The following PRMT8 variants were observed in gnomAD, a reference collection of about 807,000 sequenced individuals.
PRMT8 encodes protein arginine N-methyltransferase 8.
In PRMT8, 7 loss-of-function variants were observed where a neutral mutation model predicts 47.1. The ratio of observed to expected loss-of-function variants is 0.15; its 90% CI spans 0.08 to 0.28. The LOEUF (loss-of-function observed/expected upper bound fraction) is 0.28. Ranked by LOEUF, PRMT8 falls within the 10% of genes least tolerant of loss-of-function variation. PRMT8 has a pLI of 1.00. For missense variants in PRMT8, 237 were observed against 505.4 expected (o/e 0.47, Z 5.09); for synonymous variants, 188 against 186.5 (o/e 1.01, Z -0.07).
chr12:3,471,865 G>GC (rs1266099749), intron 1 of PRMT8, among the ~76,000 whole-genome samples: 2 of 151,974 alleles, frequency 1.3e-5, no homozygotes, highest in African/African-American at 4.8e-5. Context: ...CCAAAGATGG[G>GC]CTTTTTTGCC....
chr12:3,421,098 A>ACTC (rs967916020), intron 1 of PRMT8, among the ~76,000 whole-genome samples: 1 of 151,922 alleles, frequency 6.6e-6, no homozygotes, highest in Non-Finnish European at 1.5e-5. Flanking sequence ...GAGCCCTCCC[A>ACTC]CTCCTCCTCC....
rs866747108 is a variant in PRMT8, at chr12:3,392,656, A to G, written c.48+11214A>G. ...TTCCAAGTCTTTGCTATTGTGAATA[A>G]TGCCGCAATAAACATACGTGTGCAT... On this transcript the variant is annotated intron_variant, in intron 1 of 9. Coordinates refer to the PRMT8 transcript ENST00000452611. Among the ~76,000 whole-genome samples, 8 of 151,788 alleles carry G rather than the reference A, an allele frequency of 5.3e-5. No individual in the cohort carries two copies. In the South Asian group the frequency reaches 1.3e-3, roughly 24 times the overall value.
In PRMT8 at chr12:3,590,264, T is replaced by G. The variant is rs184117449; in HGVS notation, c.980-1967T>G. ...CTACTTGAGTCTCTCTCCAAACCAC[T>G]GACATTTGATCAAGCCAGTTCATTG... On this transcript the variant is annotated intron_variant, in intron 8 of 9. Transcript: ENST00000382622. Among the ~76,000 whole-genome samples the G allele has an allele frequency of 2.0e-5, 3 of 152,290 alleles. No individual in the cohort carries two copies. The East Asian group carries it at 5.8e-4, about 29-fold the overall frequency.
At chr12:3,398,458 A>G (rs1028766629) in intron 1 of PRMT8, among the ~76,000 whole-genome samples, 1 of 152,218 alleles carries the variant, frequency 6.6e-6, no homozygotes, top group African/African-American at 2.4e-5. Flanking sequence ...AAATACTGTC[A>G]TGTTCAGAAA....
intron 2 of PRMT8, among the ~76,000 whole-genome samples, chr12:3,541,932 T>TTTGTGTGC (rs1429777476): frequency 6.6e-6 from 1 of 152,202 alleles, no homozygotes; most frequent in Non-Finnish European, 1.5e-5. Context: ...TGACGGTTTT[T>TTTGTGTGC]TTGTGTGCGT....
chr12:3,582,137 A>G (rs1349215612), intron 7 of PRMT8, among the ~76,000 whole-genome samples: 1 of 152,190 alleles, frequency 6.6e-6, no homozygotes, highest in Non-Finnish European at 1.5e-5. Flanking sequence ...GGGCCTCACT[A>G]GAATCTGTCA....
At chr12:3,488,884 C>T (rs755492922), upstream of PRMT8, among the ~76,000 whole-genome samples, 4 of 152,150 alleles carry the variant, frequency 2.6e-5, no homozygotes, top group Admixed American at 6.5e-5. Context: ...CCCCAAACTT[C>T]GTCTCTTAAA....
At chr12:3,512,150 A>G (rs1190439098) in intron 1 of PRMT8, among the ~76,000 whole-genome samples, 1 of 152,154 alleles carries the variant, frequency 6.6e-6, no homozygotes, top group East Asian at 1.9e-4. Context: ...CACCTGGCCA[A>G]TCAGCCAGCT....
At chr12:3,405,681 C>G (rs981814304) in intron 1 of PRMT8, among the ~76,000 whole-genome samples, 2 of 152,194 alleles carry the variant, frequency 1.3e-5, no homozygotes, top group Admixed American at 6.5e-5. Context: ...AGTCATGAAG[C>G]CTTAAAGTTC....
chr12:3,559,567 T>C (rs1866594933), intron 4 of PRMT8, among the ~76,000 whole-genome samples: 1 of 152,226 alleles, frequency 6.6e-6, no homozygotes, highest in Non-Finnish European at 1.5e-5. Flanking sequence ...TTTCCTCTCA[T>C]TTCCTCCCTT....
intron 1 of PRMT8, among the ~76,000 whole-genome samples, chr12:3,513,667 A>T (rs777176705): frequency 6.6e-6 from 1 of 151,978 alleles, no homozygotes; most frequent in East Asian, 1.9e-4. Flanking sequence ...TCTCTACTTC[A>T]TTGTATCTGG....
chr12:3,454,117 C>G (rs1194322471), intron 1 of PRMT8, among the ~76,000 whole-genome samples: 1 of 152,182 alleles, frequency 6.6e-6, no homozygotes, highest in Non-Finnish European at 1.5e-5. Flanking sequence ...GCCCATCTGA[C>G]TTGGCTCTGT....
At chr12:3,549,841 A>T in intron 2 of PRMT8, 95 bp from the exon 3 acceptor site, 1 of 1,441,788 alleles carries the variant, frequency 6.9e-7, no homozygotes. Flanking sequence ...GGTCTCCTGA[A>T]GGGTCACCTG....
chr12:3,467,501 C>T (rs113532181), intron 1 of PRMT8, among the ~76,000 whole-genome samples: 3 of 149,010 alleles, frequency 2.0e-5, no homozygotes, highest in Middle Eastern at 3.8e-3. Context: ...ACCACAGAGA[C>T]GAGGTTGAGG....
At chr12:3,444,027 C>G (rs1465382875) in intron 1 of PRMT8, among the ~76,000 whole-genome samples, 2 of 152,208 alleles carry the variant, frequency 1.3e-5, no homozygotes, top group Non-Finnish European at 2.9e-5. Context: ...TCACATCTCC[C>G]TGTTATATTT....
chr12:3,397,231 C>T (rs550656585), intron 1 of PRMT8, among the ~76,000 whole-genome samples: 1 of 152,070 alleles, frequency 6.6e-6, no homozygotes, highest in East Asian at 1.9e-4. Context: ...ATTCTCCGTC[C>T]AGCTTTGTTC....
chr12:3,428,980 C>A (rs745728509), intron 1 of PRMT8, among the ~76,000 whole-genome samples: 4 of 151,672 alleles, frequency 2.6e-5, no homozygotes, highest in Non-Finnish European at 4.4e-5. Flanking sequence ...TTCCTTGACT[C>A]CATCTTTGTC....
chr12:3,511,136 C>T (rs1452128043), intron 1 of PRMT8, among the ~76,000 whole-genome samples: 2 of 152,124 alleles, frequency 1.3e-5, no homozygotes, highest in Non-Finnish European at 2.9e-5. Context: ...TATAACCTCA[C>T]ACTTTGCCTG....
chr12:3,592,849 G>A (rs553746889), intron 9 of PRMT8, among the ~76,000 whole-genome samples: 1 of 152,326 alleles, frequency 6.6e-6, no homozygotes, highest in Non-Finnish European at 1.5e-5. Flanking sequence ...TTTACTTCCA[G>A]GACGAACTCG....
Sources: gnomAD v4.1 joint callset for allele counts (sites outside exome capture counted in the v4.1 genomes callset) on GRCh38, gnomAD v4.1.1 for gene constraint, MANE v1.5 for transcripts, NCBI Gene and HGNC (gene_info 2026-07-23, HGNC 2026-07-21) for gene names.